Variants in KIF2C observed in about 807,000 individuals in gnomAD.
The protein encoded by KIF2C is kinesin family member 2C.
KIF2C carries 34 observed loss-of-function variants against 97.4 expected under a neutral mutation model. The observed-to-expected ratio is 0.35, with a 90% CI of 0.27 to 0.46. KIF2C has a LOEUF of 0.46. KIF2C is among the 20% of genes least tolerant of loss of function. The pLI, the probability that KIF2C is intolerant of heterozygous loss-of-function variation, is 1.00. For synonymous variants in KIF2C, 313 were observed against 318.2 expected (o/e 0.98, Z 0.17); for missense variants, 750 against 907.6 (o/e 0.83, Z 2.23).
chr1:44,753,693 G>A lies in KIF2C; in HGVS notation c.563-40G>A, dbSNP rs543170635. 26 of 1,430,402 alleles carry A rather than the reference G, an allele frequency of 1.8e-5. No individual in the cohort carries two copies. The East Asian group carries it at 6.0e-4, about 33-fold the overall frequency. The allele number at this position is 1,430,402 out of a possible 1,614,324, so 88.6% of individuals were successfully genotyped here. A position where few individuals can be genotyped will look rare whatever the true frequency, so the allele number is the denominator to read the frequency against. On this transcript the variant is annotated intron_variant, in intron 6 of 20. Transcript: ENST00000372224. ...GGCTGGCTTAAACTGGTAACAGAGT[G>A]GGCTTCCTTTTTTTTTCTTTTTTTT...
chr1:44,757,430 G>A (rs1375633747), intron 10 of KIF2C, 126 bp from the exon 11 acceptor site: 7 of 674,020 alleles, frequency 1.0e-5, no homozygotes, highest in Admixed American at 2.3e-5. Flanking sequence ...GGACCACTGA[G>A]GCAGGAGAGG....
chr1:44,754,813 T>A lies in KIF2C; in HGVS notation c.727T>A (p.Leu243Met). ...ARMIKEFRATLECHPLTMTDP... is the reference protein window; with the variant it reads ...ARMIKEFRATMECHPLTMTDP... Reference sequence around the variant, plus strand: ...AATGATTAAAGAATTTCGGGCTACTTTGGAATGTCATCCACTTACTATGAC... The same window carrying A: ...AATGATTAAAGAATTTCGGGCTACTATGGAATGTCATCCACTTACTATGAC... The change falls in exon 8 of 21, where the codon TTG becomes ATG. Residue 243 changes from leucine to methionine, a missense_variant. Leu to Met is a conservative substitution (Grantham distance 15). Coordinates refer to ENST00000372224, the MANE Select transcript of KIF2C (RefSeq NM_006845.4). 1 of 1,612,856 alleles carries A rather than the reference T, an allele frequency of 6.2e-7. No homozygotes were observed. The highest frequency in any genetic ancestry group is 2.2e-5 in the East Asian group (1 of 44,872).
In KIF2C at chr1:44,746,447, G is replaced by A. The variant is rs1272121055; in HGVS notation, c.166-937G>A. 2.6e-6 allele frequency: 3 copies of A among 1,170,884 alleles called. No individual in the cohort carries two copies. In the African/African-American group the frequency reaches 4.8e-5, roughly 19 times the overall value. 72.5% of individuals were successfully genotyped at this position (1,170,884 alleles called of 1,614,324 possible). On this transcript the variant is annotated intron_variant, in intron 2 of 20. Coordinates refer to ENST00000372224, the MANE Select transcript of KIF2C (RefSeq NM_006845.4). ...GAAGTTTCTGGGCCCAGAAGAAAAT[G>A]TAGGTAGTCTTAGGGTTAGGTAGCA...
intron 8 of KIF2C, 89 bp from the exon 9 acceptor site, chr1:44,755,840 G>C (rs1049260435): frequency 1.1e-5 from 13 of 1,231,216 alleles, no homozygotes; most frequent in Non-Finnish European, 1.4e-5. Flanking sequence ...CCAGACATGG[G>C]ATTGGAAGGG....
At chr1:44,746,307 G>GT (rs903517166) in intron 2 of KIF2C, 6 of 947,440 alleles carry the variant, frequency 6.3e-6, no homozygotes, top group Admixed American at 1.2e-4. Flanking sequence ...TCCTGGTGAA[G>GT]TTTGAGTTGT....
At chr1:44,748,366 G>A (rs935998446) in intron 4 of KIF2C, among the ~76,000 whole-genome samples, 1 of 152,152 alleles carries the variant, frequency 6.6e-6, no homozygotes, top group Admixed American at 6.6e-5. Context: ...ATACTTGGCT[G>A]GAGCTTCAGG....
chr1:44,739,843 C>A lies in KIF2C; in HGVS notation c.-90C>A. 3 of 1,196,370 alleles carry A rather than the reference C, an allele frequency of 2.5e-6. No individual in the cohort carries two copies. The highest frequency in any genetic ancestry group is 1.5e-5 in the African/African-American group (1 of 66,636). 74.1% of individuals were successfully genotyped at this position (1,196,370 alleles called of 1,614,324 possible). Reference sequence around the variant, plus strand: ...ACGCTTGCGCGCGGGATTTAAACTGCGGCGGTTTACGCGGCGTTAAGACTT... The same window carrying A: ...ACGCTTGCGCGCGGGATTTAAACTGAGGCGGTTTACGCGGCGTTAAGACTT... On this transcript the variant is annotated 5_prime_UTR_variant, in exon 1 of 21. Coordinates refer to ENST00000372224, the MANE Select transcript of KIF2C (RefSeq NM_006845.4).
intron 14 of KIF2C, 49 bp downstream of exon 14, chr1:44,759,397 T>A (rs1251230900): frequency 1.2e-6 from 2 of 1,608,158 alleles, no homozygotes; most frequent in Non-Finnish European, 1.7e-6. Context: ...GTCTGGTTTA[T>A]GAGTAAAGTC....
intron 4 of KIF2C, 81 bp from the exon 5 acceptor site, chr1:44,750,361 T>G: frequency 7.7e-7 from 1 of 1,302,596 alleles, no homozygotes; most frequent in Non-Finnish European, 9.8e-7. Flanking sequence ...CTATTTCACC[T>G]TGTACAGAAA....
chr1:44,751,507 C>CTTTTT (rs58381189), intron 5 of KIF2C, among the ~76,000 whole-genome samples: 81 of 125,658 alleles, frequency 6.4e-4, no homozygotes, highest in Non-Finnish European at 1.3e-3. Context: ...TCTTTTTGTA[C>CTTTTT]TTTTTTTTTT....
At chr1:44,744,697 A>G (rs1330718234) in intron 2 of KIF2C, among the ~76,000 whole-genome samples, 2 of 152,066 alleles carry the variant, frequency 1.3e-5, no homozygotes, top group African/African-American at 4.8e-5. Flanking sequence ...TCAGGAGTTC[A>G]AGACCAGCCT....
intron 2 of KIF2C, among the ~76,000 whole-genome samples, chr1:44,745,309 G>A (rs939410244): frequency 2.0e-5 from 3 of 150,940 alleles, no homozygotes. Flanking sequence ...GGATAGAAGT[G>A]TGATTACTGA....
Position 44,753,736 on chromosome 1 carries a change from G to A in KIF2C, c.566G>A (p.Arg189Gln), listed in dbSNP as rs150604746. 117 of 1,593,360 alleles carry A rather than the reference G, an allele frequency of 7.3e-5. No homozygotes were observed. Among genetic ancestry groups the A allele is most frequent in the Non-Finnish European group, 8.8e-5 (103 of 1,169,498 alleles). The change falls in exon 7 of 21, where the codon CGG becomes CAG. Residue 189 changes from arginine (R) to glutamine (Q), a missense_variant. Physicochemically the swap from Arg to Gln is conservative, Grantham distance 43. Coordinates refer to ENST00000372224, the MANE Select transcript of KIF2C (RefSeq NM_006845.4). Reference protein sequence around the residue: ...SSSANPVNSVRRKSCLVKEVE... With the variant: ...SSSANPVNSVQRKSCLVKEVE... ...TTTTTTTTTTATGTTTTCATAGTTC[G>A]GAGGAAATCATGTCTTGTGAAGGAA...
intron 19 of KIF2C, 33 bp downstream of exon 19, chr1:44,762,691 G>A (rs762040346): frequency 1.4e-6 from 2 of 1,411,148 alleles, no homozygotes; most frequent in Non-Finnish European, 2.0e-6. Context: ...GGAGCTGGAT[G>A]CAGCACGGCC....
At chr1:44,754,061 C>A (rs1649684961) in intron 7 of KIF2C, among the ~76,000 whole-genome samples, 2 of 132,832 alleles carry the variant, frequency 1.5e-5, no homozygotes, top group African/African-American at 5.8e-5. Context: ...TCAAGTGATT[C>A]TTGGGCCTCA....
intron 6 of KIF2C, 133 bp downstream of exon 6, chr1:44,753,387 C>G (rs951102997): frequency 1.0e-6 from 1 of 994,608 alleles, no homozygotes; most frequent in Non-Finnish European, 1.4e-6. Context: ...TTTCCTCTGG[C>G]CATGGAATCA....
At chr1:44,752,334 C>T (rs1300442251) in intron 5 of KIF2C, among the ~76,000 whole-genome samples, 1 of 151,416 alleles carries the variant, frequency 6.6e-6, no homozygotes, top group Non-Finnish European at 1.5e-5. Context: ...CGGGGTTTCA[C>T]TCTGTTAGCC....
At chr1:44,763,994 C>T (rs1467317740) in intron 19 of KIF2C, among the ~76,000 whole-genome samples, 1 of 151,662 alleles carries the variant, frequency 6.6e-6, no homozygotes, top group Non-Finnish European at 1.5e-5. Context: ...GATCGTGCCA[C>T]TGCACTCTAG....
chr1:44,759,386 T>A (rs375259760), intron 14 of KIF2C, 38 bp downstream of exon 14: 1 of 1,611,266 alleles, frequency 6.2e-7, no homozygotes, highest in Non-Finnish European at 8.5e-7. Context: ...GACCTTCTCA[T>A]GTCTGGTTTA....
Sources: gnomAD v4.1 joint callset for allele counts (sites outside exome capture counted in the v4.1 genomes callset) on GRCh38, gnomAD v4.1.1 for gene constraint, MANE v1.5 for transcripts, NCBI Gene and HGNC (gene_info 2026-07-23, HGNC 2026-07-21) for gene names.